Variants in SNTG1 observed in about 807,000 individuals in gnomAD.
SNTG1 encodes gamma-1-syntrophin.
In SNTG1, 39 loss-of-function variants were observed where a neutral mutation model predicts 74.7. The ratio of observed to expected loss-of-function variants is 0.52; its 90% CI spans 0.40 to 0.68. The LOEUF (loss-of-function observed/expected upper bound fraction) is 0.68, where lower values mean the gene tolerates loss of function less well. Ranked by LOEUF, SNTG1 falls within the 30% of genes least tolerant of loss-of-function variation. SNTG1 has a pLI of 0.00. For missense variants in SNTG1, 685 were observed against 609.5 expected (o/e 1.12, Z -1.30); for synonymous variants, 254 against 217.1 (o/e 1.17, Z -1.49).
intron 1 of SNTG1, among the ~76,000 whole-genome samples, chr8:50,112,958 G>A (rs990268028): frequency 1.3e-5 from 2 of 152,088 alleles, no homozygotes; most frequent in African/African-American, 4.8e-5. Flanking sequence ...CTATATCTCT[G>A]TTTCGGTACC....
At chr8:50,374,176 G>A (rs1261537987) in intron 2 of SNTG1, among the ~76,000 whole-genome samples, 2 of 152,172 alleles carry the variant, frequency 1.3e-5, no homozygotes, top group Non-Finnish European at 2.9e-5. Flanking sequence ...TGACCTCTCT[G>A]TTTGCTGTTA....
At chr8:50,037,791 G>A (rs555677160) in intron 1 of SNTG1, among the ~76,000 whole-genome samples, 1 of 152,256 alleles carries the variant, frequency 6.6e-6, no homozygotes, top group South Asian at 2.1e-4. Context: ...ATAGCAATAA[G>A]CCAGGGATAT....
intron 1 of SNTG1, among the ~76,000 whole-genome samples, chr8:50,016,132 G>A (rs66541944): frequency 1.3e-5 from 2 of 151,990 alleles, no homozygotes; most frequent in Admixed American, 1.3e-4. Context: ...ACCAAACAGT[G>A]ACCATGATCT....
At chr8:50,433,479 GTT>G (rs11444705) in intron 4 of SNTG1, among the ~76,000 whole-genome samples, 13,003 of 141,902 alleles carry the variant, frequency 0.092, 1,769 homozygotes, top group African/African-American at 0.3. Context: ...TGAGTTTTCT[GTT>G]TTTTTTTTTT....
At chr8:50,788,835 G>A (rs1409563378) in intron 18 of SNTG1, among the ~76,000 whole-genome samples, 1 of 151,428 alleles carries the variant, frequency 6.6e-6, no homozygotes, top group African/African-American at 2.4e-5. Context: ...CATATACTGT[G>A]CCTCATCTCC....
intron 18 of SNTG1, among the ~76,000 whole-genome samples, chr8:50,756,660 G>A (rs1349697714): frequency 6.6e-6 from 1 of 151,704 alleles, no homozygotes; most frequent in African/African-American, 2.4e-5. Flanking sequence ...ATGCTGTCTT[G>A]ATGACTGTAG....
At chr8:50,565,045 G>T (rs1333522163) in intron 12 of SNTG1, among the ~76,000 whole-genome samples, 1 of 151,920 alleles carries the variant, frequency 6.6e-6, no homozygotes, top group African/African-American at 2.4e-5. Context: ...TAACAAAAAT[G>T]GCCCTTTGCC....
chr8:50,048,549 C>A (rs1819294884), intron 1 of SNTG1, among the ~76,000 whole-genome samples: 1 of 152,062 alleles, frequency 6.6e-6, no homozygotes, highest in Non-Finnish European at 1.5e-5. Flanking sequence ...TAATTACATT[C>A]TTTCATTTTC....
intron 1 of SNTG1, among the ~76,000 whole-genome samples, chr8:49,941,594 C>T (rs1808695997): frequency 6.6e-6 from 1 of 150,644 alleles, no homozygotes; most frequent in Admixed American, 6.6e-5. Context: ...GCCTTTGCAC[C>T]TGCTTCAGGT....
chr8:50,731,502 A>C (rs2131621947), intron 17 of SNTG1, among the ~76,000 whole-genome samples: 1 of 152,214 alleles, frequency 6.6e-6, no homozygotes, highest in Middle Eastern at 3.4e-3. Flanking sequence ...TTGACGCCAA[A>C]AATTCTTGCT....
At position 50,452,008 on chromosome 8, in the gene SNTG1, C is replaced by T. The variant is rs140346956; in HGVS notation, c.363+1279C>T. On this transcript the variant is annotated intron_variant, in intron 8 of 18. Coordinates refer to ENST00000642720, the MANE Select transcript of SNTG1 (RefSeq NM_018967.5). ...GTTTATTTGGTTTTTGAATAGATTG[C>T]TCCTCTGTTAAAAGCTATTTAGAGA... 2.0e-5 allele frequency among the ~76,000 whole-genome samples: 3 copies of T among 152,288 alleles called. No homozygotes were observed. In the South Asian group the frequency reaches 6.2e-4, roughly 32 times the overall value.
intron 1 of SNTG1, among the ~76,000 whole-genome samples, chr8:49,983,862 A>G (rs990906376): frequency 6.6e-6 from 1 of 152,250 alleles, no homozygotes; most frequent in Non-Finnish European, 1.5e-5. Context: ...GTTTCATTTT[A>G]TTCATGAGAA....
chr8:50,677,964 A>C (rs141983360), intron 15 of SNTG1, among the ~76,000 whole-genome samples: 1 of 151,960 alleles, frequency 6.6e-6, no homozygotes, highest in Non-Finnish European at 1.5e-5. Flanking sequence ...AACAACATAC[A>C]CCAGGGCGTG....
intron 1 of SNTG1, among the ~76,000 whole-genome samples, chr8:50,055,086 C>T (rs1819912355): frequency 6.6e-6 from 1 of 152,032 alleles, no homozygotes; most frequent in African/African-American, 2.4e-5. Flanking sequence ...TTCCGACTTG[C>T]CTGTAATTCA....
chr8:50,098,336 A>C (rs981058931), intron 1 of SNTG1, among the ~76,000 whole-genome samples: 1 of 152,150 alleles, frequency 6.6e-6, no homozygotes, highest in African/African-American at 2.4e-5. Context: ...TTGTATCGCT[A>C]GGTTACTCAT....
At chr8:50,007,373 T>A (rs1815340409) in intron 1 of SNTG1, among the ~76,000 whole-genome samples, 1 of 152,084 alleles carries the variant, frequency 6.6e-6, no homozygotes, top group Non-Finnish European at 1.5e-5. Flanking sequence ...AACATGTCTA[T>A]AGTTGAGCTT....
chr8:49,981,866 T>A (rs1812710215), intron 1 of SNTG1, among the ~76,000 whole-genome samples: 1 of 152,132 alleles, frequency 6.6e-6, no homozygotes, highest in African/African-American at 2.4e-5. Flanking sequence ...TTCTAAAAAG[T>A]CTTTGTAGTG....
intron 2 of SNTG1, among the ~76,000 whole-genome samples, chr8:50,312,055 A>G (rs929638354): frequency 2.3e-5 from 3 of 130,096 alleles, no homozygotes; most frequent in African/African-American, 7.4e-5. Flanking sequence ...TGTGAAGAAT[A>G]TGTTTTTGTA....
chr8:50,581,965 G>T (rs1371071167), intron 12 of SNTG1, among the ~76,000 whole-genome samples: 1 of 152,168 alleles, frequency 6.6e-6, no homozygotes, highest in Non-Finnish European at 1.5e-5. Flanking sequence ...GAAATTTCTT[G>T]TGGAGTTTTA....
Sources: gnomAD v4.1 joint callset for allele counts (sites outside exome capture counted in the v4.1 genomes callset) on GRCh38, gnomAD v4.1.1 for gene constraint, MANE v1.5 for transcripts, NCBI Gene and HGNC (gene_info 2026-07-23, HGNC 2026-07-21) for gene names.